PLS1: variants seen among roughly 807,000 people sequenced by gnomAD.
PLS1 encodes plastin 1.
In PLS1, 32 loss-of-function variants were observed where a neutral mutation model predicts 73.7. The observed-to-expected ratio is 0.43, with a 90% confidence interval of 0.33 to 0.58. PLS1 has a LOEUF of 0.58. Ranked by LOEUF, PLS1 falls within the 20% of genes least tolerant of loss-of-function variation. The pLI is 0.04. For missense variants in PLS1, 633 were observed against 740.5 expected, an observed-to-expected ratio of 0.85 and a Z score of 1.68; for synonymous variants, 217 against 261.3, an observed-to-expected ratio of 0.83 and a Z score of 1.63.
intron 12 of PLS1, among the ~76,000 whole-genome samples, chr3:142,698,711 T>G (rs1245017211): frequency 1.3e-5 from 2 of 152,188 alleles, no homozygotes; most frequent in African/African-American, 4.8e-5. Flanking sequence ...AACAAGAAAC[T>G]ATTGAACTGC....
At chr3:142,694,581 A>G in intron 11 of PLS1, 34 bp downstream of exon 11, 2 of 1,268,290 alleles carry the variant, frequency 1.6e-6, no homozygotes, top group Non-Finnish European at 1.1e-6. Context: ...CTTTACTGTC[A>G]GGGTCCAACT....
intron 1 of PLS1, among the ~76,000 whole-genome samples, chr3:142,625,451 G>T (rs907282733): frequency 1.3e-5 from 2 of 152,046 alleles, no homozygotes; most frequent in Non-Finnish European, 2.9e-5. Context: ...GTCAGAAGCC[G>T]CTAAATTCTT....
intron 1 of PLS1, among the ~76,000 whole-genome samples, chr3:142,638,045 C>G (rs2036736007): frequency 6.6e-6 from 1 of 152,088 alleles, no homozygotes; most frequent in Non-Finnish European, 1.5e-5. Context: ...CCCAGGGGAT[C>G]CCTTTTCCCC....
At chr3:142,686,478 C>T (rs2037968723) in intron 9 of PLS1, 102 bp downstream of exon 9, 5 of 746,066 alleles carry the variant, frequency 6.7e-6, no homozygotes, top group South Asian at 4.5e-5. Flanking sequence ...GCATTCAGTA[C>T]ATTTGCATTG....
intron 6 of PLS1, among the ~76,000 whole-genome samples, 161 bp downstream of exon 6, chr3:142,678,274 AT>A (rs1179705621): frequency 1.3e-5 from 2 of 148,340 alleles, no homozygotes; most frequent in Non-Finnish European, 3.0e-5. Context: ...TTTTTATTTT[AT>A]TTTATTATTA....
Position 142,601,085 on chromosome 3 carries a change from G to A in PLS1, c.-37+4576G>A, listed in dbSNP as rs542399391. 4.1e-5 allele frequency among the ~76,000 whole-genome samples: 6 copies of A among 147,160 alleles called. 1 individual carries two copies. The South Asian group carries it at 6.6e-4, about 16-fold the overall frequency. On this transcript the variant is annotated intron_variant, in intron 1 of 15. Coordinates refer to ENST00000457734, the MANE Select transcript of PLS1 (RefSeq NM_001145319.2). ...ACTACAGGCACCCGCCACCACGCCC[G>A]GCTAATTTTTTTTTTATTTTTAGTA...
In PLS1 at chr3:142,633,097, A is replaced by G. The variant is rs1236881348; in HGVS notation, c.-36-31105A>G. On this transcript the variant is annotated intron_variant, in intron 1 of 15. Coordinates refer to ENST00000457734, the MANE Select transcript of PLS1 (RefSeq NM_001145319.2). ...TATGCTACAACATGGACGAACCTCA[A>G]GGACGTTTTACTAAGCAAAATAAAC... Among the ~76,000 whole-genome samples the G allele has an allele frequency of 2.0e-5, 3 of 152,358 alleles. No individual in the cohort carries two copies. In the South Asian group the frequency reaches 6.2e-4, roughly 32 times the overall value.
intron 1 of PLS1, chr3:142,645,266 A>G (rs1190346459): frequency 2.0e-5 from 3 of 152,208 alleles, no homozygotes; most frequent in African/African-American, 7.2e-5. Flanking sequence ...ATGCATGTAT[A>G]AGACAATTCC....
At chr3:142,615,323 T>C (rs539989429) in intron 1 of PLS1, among the ~76,000 whole-genome samples, 23 of 152,114 alleles carry the variant, frequency 1.5e-4, no homozygotes, top group African/African-American at 3.9e-4. Context: ...ATTCAGTGTA[T>C]ACAGATGATA....
chr3:142,653,713 A>T (rs967241517), intron 1 of PLS1, among the ~76,000 whole-genome samples: 2 of 151,914 alleles, frequency 1.3e-5, no homozygotes, highest in East Asian at 3.9e-4. Flanking sequence ...ATGCTGAATA[A>T]CTCCTATAAT....
At chr3:142,657,958 A>G (rs914927995) in intron 1 of PLS1, among the ~76,000 whole-genome samples, 4 of 152,040 alleles carry the variant, frequency 2.6e-5, no homozygotes, top group African/African-American at 9.7e-5. Context: ...GGTCATCTTT[A>G]TTTTTTATTA....
At chr3:142,622,684 A>G (rs958211136) in intron 1 of PLS1, among the ~76,000 whole-genome samples, 1 of 152,142 alleles carries the variant, frequency 6.6e-6, no homozygotes, top group Admixed American at 6.5e-5. Context: ...TATAAGTGAA[A>G]CTGTTCTTGC....
chr3:142,637,853 C>T (rs2036727886), intron 1 of PLS1, among the ~76,000 whole-genome samples: 1 of 152,026 alleles, frequency 6.6e-6, no homozygotes, highest in South Asian at 2.1e-4. Context: ...TGCCAGGCCC[C>T]CCCGCCCCCT....
chr3:142,665,458 G>C (rs1386320902), intron 2 of PLS1, among the ~76,000 whole-genome samples: 1 of 152,138 alleles, frequency 6.6e-6, no homozygotes, highest in Non-Finnish European at 1.5e-5. Context: ...AATATGGTAT[G>C]ATTTTCAGAA....
intron 1 of PLS1, among the ~76,000 whole-genome samples, chr3:142,631,162 A>C (rs1371186052): frequency 6.6e-6 from 1 of 151,846 alleles, no homozygotes; most frequent in Admixed American, 6.6e-5. Flanking sequence ...GGATCACCTG[A>C]GCTCAGTAGT....
At chr3:142,707,001 G>C (rs2038475109) in intron 14 of PLS1, among the ~76,000 whole-genome samples, 1 of 152,182 alleles carries the variant, frequency 6.6e-6, no homozygotes, top group Non-Finnish European at 1.5e-5. Context: ...TTGGTGATCA[G>C]TTGAATAAAA....
chr3:142,636,556 G>A (rs566509656), intron 1 of PLS1, among the ~76,000 whole-genome samples: 1 of 152,348 alleles, frequency 6.6e-6, no homozygotes, highest in African/African-American at 2.4e-5. Flanking sequence ...CATGGTCTAT[G>A]ATAGAAAGGG....
intron 14 of PLS1, among the ~76,000 whole-genome samples, chr3:142,705,735 A>G (rs1223186618): frequency 1.3e-5 from 2 of 152,232 alleles, no homozygotes; most frequent in Non-Finnish European, 2.9e-5. Flanking sequence ...AAGTGAAAGA[A>G]ATGTCAGAAA....
intron 1 of PLS1, among the ~76,000 whole-genome samples, chr3:142,624,961 A>G (rs1263789893): frequency 6.6e-6 from 1 of 152,098 alleles, no homozygotes; most frequent in Admixed American, 6.5e-5. Flanking sequence ...ACATTCTTTT[A>G]TGATCCCAGT....
Sources: allele counts gnomAD v4.1 joint callset (sites outside exome capture counted in the v4.1 genomes callset), GRCh38; gene constraint gnomAD v4.1.1; transcripts MANE v1.5; gene names NCBI Gene and HGNC (gene_info 2026-07-23, HGNC 2026-07-21).